Variants in CSGALNACT1 observed in about 807,000 individuals in gnomAD.
The protein encoded by CSGALNACT1 is beta4GalNAcT-1.
CSGALNACT1 carries 52 observed loss-of-function variants against 51.0 expected under a neutral mutation model. That is an observed-to-expected ratio of 1.02 (90% confidence interval 0.82 to 1.29). The LOEUF (loss-of-function observed/expected upper bound fraction) is 1.29, where lower values mean the gene tolerates loss of function less well. Ranked by LOEUF, CSGALNACT1 falls within the 50% of genes most tolerant of loss-of-function variation. The pLI is 0.00. For synonymous variants in CSGALNACT1, 341 were observed against 254.4 expected (o/e 1.34, Z -3.24); for missense variants, 935 against 679.2 (o/e 1.38, Z -4.19).
intron 1 of CSGALNACT1, among the ~76,000 whole-genome samples, chr8:19,687,791 C>A (rs1285166663): frequency 6.6e-6 from 1 of 152,180 alleles, no homozygotes; most frequent in Non-Finnish European, 1.5e-5. Context: ...AACTGTAGAT[C>A]ATGAAGCAAA....
At chr8:19,508,465 G>A (rs2077796070) in intron 3 of CSGALNACT1, among the ~76,000 whole-genome samples, 1 of 152,144 alleles carries the variant, frequency 6.6e-6, no homozygotes, top group Non-Finnish European at 1.5e-5. Flanking sequence ...GTTTAGCCCT[G>A]GAAGCCTTTT....
At chr8:19,709,262 A>T (rs1445806683) in intron 1 of CSGALNACT1, among the ~76,000 whole-genome samples, 1 of 152,212 alleles carries the variant, frequency 6.6e-6, no homozygotes, top group East Asian at 1.9e-4. Context: ...TATCCCTTCA[A>T]TGCATCTTGA....
chr8:19,472,883 A>G (rs746146515), intron 4 of CSGALNACT1, among the ~76,000 whole-genome samples: 2 of 152,236 alleles, frequency 1.3e-5, no homozygotes, highest in African/African-American at 2.4e-5. Context: ...TCATAGGGTT[A>G]CTTTGAAGAT....
exon 8 of CSGALNACT1, chr8:19,418,666 T>G: frequency 6.2e-7 from 1 of 1,610,200 alleles, no homozygotes; most frequent in Admixed American, 1.7e-5. Flanking sequence ...CAGCTGCTGT[T>G]CCAAGGGAGG....
chr8:19,552,861 A>T (rs551512146), intron 3 of CSGALNACT1, among the ~76,000 whole-genome samples: 1 of 152,300 alleles, frequency 6.6e-6, no homozygotes, highest in South Asian at 2.1e-4. Flanking sequence ...AGTGAACTGC[A>T]AACAGGTACT....
intron 2 of CSGALNACT1, among the ~76,000 whole-genome samples, chr8:19,600,448 G>C (rs375946788): frequency 1.1e-4 from 16 of 152,032 alleles, no homozygotes; most frequent in African/African-American, 3.9e-4. Flanking sequence ...ACTAATTATG[G>C]TCTACATGGG....
At position 19,462,243 on chromosome 8, in the gene CSGALNACT1, G is replaced by A. The variant is rs772508616; in HGVS notation, c.635-3601C>T. 7.3e-4 allele frequency among the ~76,000 whole-genome samples: 111 copies of A among 152,320 alleles called. 1 individual carries two copies. The highest frequency in any genetic ancestry group is 6.8e-3 in the Middle Eastern group (2 of 294). ...GGTGACTGCATCTCGTTGAGTTTCT[G>A]TTATTCATGTCAGTAGCATAACTTC... is the stretch of plus-strand genomic sequence containing the variant. On this transcript the variant is annotated intron_variant, in intron 4 of 9. Coordinates refer to ENST00000454498, the Ensembl canonical transcript of CSGALNACT1.
chr8:19,514,746 T>A (rs1448875682), intron 3 of CSGALNACT1, among the ~76,000 whole-genome samples: 1 of 150,012 alleles, frequency 6.7e-6, no homozygotes, highest in Non-Finnish European at 1.5e-5. Context: ...GGAAGGAAAA[T>A]CACTTGAACC....
At chr8:19,617,265 A>T (rs1469793752) in intron 1 of CSGALNACT1, among the ~76,000 whole-genome samples, 1 of 152,208 alleles carries the variant, frequency 6.6e-6, no homozygotes, top group Non-Finnish European at 1.5e-5. Context: ...CTGTAAATAC[A>T]AATGAAGTTT....
chr8:19,693,550 A>C (rs2061436949), intron 1 of CSGALNACT1, among the ~76,000 whole-genome samples: 1 of 152,086 alleles, frequency 6.6e-6, no homozygotes, highest in South Asian at 2.1e-4. Context: ...TCATGTCTTC[A>C]ATCTTGATCA....
intron 3 of CSGALNACT1, among the ~76,000 whole-genome samples, chr8:19,523,983 A>C (rs2081204529): frequency 6.6e-6 from 1 of 152,334 alleles, no homozygotes; most frequent in South Asian, 2.1e-4. Context: ...AGAATACCCA[A>C]ATCATCATGG....
chr8:19,559,306 GAAGT>G (rs1245150965), intron 3 of CSGALNACT1, among the ~76,000 whole-genome samples: 3 of 152,104 alleles, frequency 2.0e-5, no homozygotes, highest in African/African-American at 4.8e-5. Context: ...AACTCTTAGA[GAAGT>G]AAGAAGAGAA....
intron 4 of CSGALNACT1, among the ~76,000 whole-genome samples, chr8:19,467,477 T>C (rs1034451708): frequency 1.3e-5 from 2 of 152,024 alleles, no homozygotes; most frequent in African/African-American, 4.8e-5. Context: ...AGAACTGCAA[T>C]GTATTTCTCA....
At chr8:19,662,040 T>C (rs2058780866) in intron 1 of CSGALNACT1, among the ~76,000 whole-genome samples, 1 of 129,716 alleles carries the variant, frequency 7.7e-6, no homozygotes. Context: ...CAGCAACCCC[T>C]TTCCCACTAT....
intron 4 of CSGALNACT1, among the ~76,000 whole-genome samples, chr8:19,459,695 T>C (rs1277103370): frequency 6.6e-6 from 1 of 152,194 alleles, no homozygotes; most frequent in African/African-American, 2.4e-5. Flanking sequence ...GAAAAATTAC[T>C]TCATGCTCCT....
chr8:19,683,412 T>C (rs1330949767), upstream of CSGALNACT1, among the ~76,000 whole-genome samples: 1 of 152,180 alleles, frequency 6.6e-6, no homozygotes, highest in East Asian at 1.9e-4. Flanking sequence ...AAAAAAGCTC[T>C]GACAATTTAA....
chr8:19,536,035 C>A (rs1270463837), intron 3 of CSGALNACT1, among the ~76,000 whole-genome samples: 1 of 152,044 alleles, frequency 6.6e-6, no homozygotes, highest in Non-Finnish European at 1.5e-5. Context: ...TAAAACTGTC[C>A]ATTTTTGCAG....
At chr8:19,517,382 G>C (rs185181005) in intron 3 of CSGALNACT1, among the ~76,000 whole-genome samples, 141 of 152,256 alleles carry the variant, frequency 9.3e-4, no homozygotes, top group African/African-American at 3.3e-3. Flanking sequence ...AGAGGTTGCC[G>C]TGAGCCGAGA....
At chr8:19,622,591 G>C (rs1177202745) in intron 1 of CSGALNACT1, among the ~76,000 whole-genome samples, 1 of 152,104 alleles carries the variant, frequency 6.6e-6, no homozygotes, top group Non-Finnish European at 1.5e-5. Context: ...AATTTGAAAG[G>C]GGTATAAATG....
Sources: gnomAD v4.1 joint callset for allele counts (sites outside exome capture counted in the v4.1 genomes callset) on GRCh38, gnomAD v4.1.1 for gene constraint, MANE v1.5 for transcripts, NCBI Gene and HGNC (gene_info 2026-07-23, HGNC 2026-07-21) for gene names.